GPC5: variants seen among roughly 807,000 people sequenced by gnomAD.
GPC5 encodes the protein glypican 5, also known as glypican-5.
GPC5 carries 47 observed loss-of-function variants against 53.9 expected under a neutral mutation model. That is an observed-to-expected ratio of 0.87 (90% CI 0.69 to 1.11). The LOEUF (loss-of-function observed/expected upper bound fraction) is 1.11, where lower values mean the gene tolerates loss of function less well. GPC5 is among the 50% of genes most tolerant of loss of function. The pLI, the probability that GPC5 is intolerant of heterozygous loss-of-function variation, is 0.00. For missense variants in GPC5, 748 were observed against 713.1 expected, an observed-to-expected ratio of 1.05 and a Z score of -0.56; for synonymous variants, 286 against 263.3, an observed-to-expected ratio of 1.09 and a Z score of -0.84.
At chr13:91,567,557 A>C (rs1156598553) in intron 2 of GPC5, among the ~76,000 whole-genome samples, 1 of 152,152 alleles carries the variant, frequency 6.6e-6, no homozygotes, top group Non-Finnish European at 1.5e-5. Context: ...TTTCCACACA[A>C]GTTGTTTTCA....
intron 7 of GPC5, among the ~76,000 whole-genome samples, chr13:92,724,988 A>G (rs1888604040): frequency 6.6e-6 from 1 of 151,422 alleles, no homozygotes; most frequent in African/African-American, 2.4e-5. Context: ...GCCTCAACAA[A>G]TGAAATATTA....
chr13:91,948,287 TATTC>T, intron 6 of GPC5, among the ~76,000 whole-genome samples: 1 of 151,382 alleles, frequency 6.6e-6, no homozygotes, highest in South Asian at 2.1e-4. Context: ...TTATAATGCT[TATTC>T]ATTACGTTAC....
intron 7 of GPC5, among the ~76,000 whole-genome samples, chr13:92,804,663 A>G (rs1417821785): frequency 6.6e-6 from 1 of 151,968 alleles, no homozygotes; most frequent in African/African-American, 2.4e-5. Flanking sequence ...GGCTGTGGCA[A>G]TTTCTTAAAA....
intron 6 of GPC5, among the ~76,000 whole-genome samples, chr13:92,091,276 C>T (rs1303536483): frequency 6.6e-6 from 1 of 152,094 alleles, no homozygotes; most frequent in African/African-American, 2.4e-5. Context: ...ATAATTTTCT[C>T]ATTAGATACA....
intron 2 of GPC5, among the ~76,000 whole-genome samples, chr13:91,651,334 G>A (rs1447227459): frequency 1.3e-5 from 2 of 152,114 alleles, no homozygotes; most frequent in African/African-American, 4.8e-5. Flanking sequence ...ATTCACATTA[G>A]TTTATTAATA....
chr13:92,188,036 C>T (rs1283492116), intron 7 of GPC5, among the ~76,000 whole-genome samples: 1 of 152,168 alleles, frequency 6.6e-6, no homozygotes, highest in Non-Finnish European at 1.5e-5. Context: ...TGTGATATGA[C>T]AGTACCTACT....
chr13:91,651,437 A>G (rs2034707325), intron 2 of GPC5, among the ~76,000 whole-genome samples: 1 of 152,160 alleles, frequency 6.6e-6, no homozygotes, highest in Non-Finnish European at 1.5e-5. Flanking sequence ...GAAAACATTT[A>G]TGCTGGGCAC....
intron 7 of GPC5, among the ~76,000 whole-genome samples, chr13:92,733,742 C>T (rs1888867478): frequency 6.6e-6 from 1 of 151,696 alleles, no homozygotes; most frequent in African/African-American, 2.4e-5. Flanking sequence ...TATCTTTAAA[C>T]AGAAAAACAT....
chr13:91,828,936 T>C (rs999564370), intron 5 of GPC5, among the ~76,000 whole-genome samples: 4 of 152,098 alleles, frequency 2.6e-5, no homozygotes, highest in Admixed American at 2.6e-4. Flanking sequence ...GAATATGTGC[T>C]ACCACTAATG....
At chr13:91,535,808 G>A (rs1220200087) in intron 2 of GPC5, among the ~76,000 whole-genome samples, 1 of 152,108 alleles carries the variant, frequency 6.6e-6, no homozygotes, top group Non-Finnish European at 1.5e-5. Flanking sequence ...GGGTGTTGGA[G>A]TCAGAATTAC....
At chr13:92,852,467 G>T (rs1211617374) in intron 7 of GPC5, among the ~76,000 whole-genome samples, 4 of 152,176 alleles carry the variant, frequency 2.6e-5, no homozygotes, top group Non-Finnish European at 5.9e-5. Context: ...ACAAATTTAT[G>T]ACATAATTCC....
chr13:92,118,787 G>A (rs1341806575), intron 6 of GPC5, among the ~76,000 whole-genome samples: 1 of 152,150 alleles, frequency 6.6e-6, no homozygotes, highest in Non-Finnish European at 1.5e-5. Context: ...CAATCAGTAG[G>A]AGAAATAGGC....
chr13:92,779,635 G>A (rs1482032962), intron 7 of GPC5, among the ~76,000 whole-genome samples: 4 of 152,028 alleles, frequency 2.6e-5, no homozygotes, highest in African/African-American at 7.2e-5. Context: ...TGGGATTGCA[G>A]ACTTCAGTCA....
intron 7 of GPC5, among the ~76,000 whole-genome samples, chr13:92,681,354 C>A (rs560273052): frequency 5.7e-4 from 87 of 151,596 alleles, no homozygotes; most frequent in African/African-American, 2.1e-3. Context: ...TCTGTTCTCG[C>A]CTCTGAGTGC....
intron 7 of GPC5, among the ~76,000 whole-genome samples, chr13:92,545,480 C>G (rs945760137): frequency 2.6e-4 from 39 of 152,278 alleles, no homozygotes; most frequent in African/African-American, 9.4e-4. Flanking sequence ...TTCTAGATCC[C>G]TGAGGAATCA....
Position 92,735,859 on chromosome 13 carries a change from C to CTT in GPC5, c.1562-130422_1562-130421insTT, listed in dbSNP as rs1888920280. On this transcript the variant is annotated intron_variant, in intron 7 of 7. Coordinates refer to ENST00000377067, the MANE Select transcript of GPC5 (RefSeq NM_004466.6). ...TTAGTGCTTGGCATTAGTATGTGTC[C>CTT]TATCAGCCTCATTAACTAGGATGTA... Among the ~76,000 whole-genome samples the CTT allele has an allele frequency of 3.3e-5, 5 of 152,022 alleles. No individual in the cohort carries two copies. The East Asian group carries it at 5.8e-4, about 18-fold the overall frequency.
intron 6 of GPC5, among the ~76,000 whole-genome samples, chr13:91,912,115 A>G (rs1428852738): frequency 3.9e-5 from 6 of 152,208 alleles, no homozygotes; most frequent in Non-Finnish European, 7.3e-5. Flanking sequence ...AGACTGTAAG[A>G]CAATGGAATC....
chr13:91,720,761 C>A (rs2036445898), intron 3 of GPC5, among the ~76,000 whole-genome samples: 1 of 152,172 alleles, frequency 6.6e-6, no homozygotes, highest in Non-Finnish European at 1.5e-5. Flanking sequence ...TCTTCTCTAT[C>A]TCATTTAATG....
intron 5 of GPC5, among the ~76,000 whole-genome samples, chr13:91,892,420 A>T (rs2039396374): frequency 1.3e-5 from 2 of 151,760 alleles, no homozygotes; most frequent in Non-Finnish European, 3.0e-5. Flanking sequence ...ACTCCAAATT[A>T]GAAAAAATAT....
Sources: allele counts gnomAD v4.1 joint callset (sites outside exome capture counted in the v4.1 genomes callset), GRCh38; gene constraint gnomAD v4.1.1; transcripts MANE v1.5; gene names NCBI Gene and HGNC (gene_info 2026-07-23, HGNC 2026-07-21).